Variants in ARFGEF1 observed in about 807,000 individuals in gnomAD.
ARFGEF1 encodes the protein ARF guanine nucleotide exchange factor 1, also known as brefeldin A-inhibited guanine nucleotide-exchange protein 1.
In ARFGEF1, 42 loss-of-function variants were observed where a neutral mutation model predicts 231.0. That is an observed-to-expected ratio of 0.18 (90% CI 0.14 to 0.24). The LOEUF (loss-of-function observed/expected upper bound fraction) is 0.24. Ranked by LOEUF, ARFGEF1 falls within the 10% of genes least tolerant of loss-of-function variation. The probability of loss-of-function intolerance (pLI) is 1.00; values close to 1 mark genes in which losing one functional copy is unlikely to be tolerated. For missense variants in ARFGEF1, 1,345 were observed against 2,192.0 expected, an observed-to-expected ratio of 0.61 and a Z score of 7.72; for synonymous variants, 710 against 732.3, an observed-to-expected ratio of 0.97 and a Z score of 0.49.
chr8:67,333,156 C>T (rs997696216), intron 1 of ARFGEF1, among the ~76,000 whole-genome samples: 2 of 151,890 alleles, frequency 1.3e-5, no homozygotes, highest in Non-Finnish European at 2.9e-5. Context: ...CTGCCTCAGC[C>T]GCCCGAGCAG....
At chr8:67,270,788 G>A (rs966671900) in intron 10 of ARFGEF1, among the ~76,000 whole-genome samples, 1 of 150,182 alleles carries the variant, frequency 6.7e-6, no homozygotes, top group Non-Finnish European at 1.5e-5. Flanking sequence ...ACTTTGGGAG[G>A]CGGACGCGGA....
At chr8:67,288,928 T>C (rs1274904743) in intron 6 of ARFGEF1, among the ~76,000 whole-genome samples, 3 of 151,674 alleles carry the variant, frequency 2.0e-5, no homozygotes, top group East Asian at 1.9e-4. Flanking sequence ...AAAGAATTCA[T>C]TGTCCAATTT....
chr8:67,283,022 A>C (rs1805602289), intron 7 of ARFGEF1, among the ~76,000 whole-genome samples: 1 of 152,114 alleles, frequency 6.6e-6, no homozygotes, highest in African/African-American at 2.4e-5. Context: ...GCAAAAGACA[A>C]GAATAGTAAT....
rs199705503 is a variant in ARFGEF1, at chr8:67,235,098, GTGTATA to G, written c.3290-2159_3290-2154del. On this transcript the variant is annotated intron_variant, in intron 22 of 38. Transcript: ENST00000262215. ...TATATATATATATGTGTGTGTGTGTGTGTATATATATACACACACACACACGTGTCA... is the reference window on the plus strand; with the variant it reads ...TATATATATATATGTGTGTGTGTGTGTATATACACACACACACACGTGTCA... Among the ~76,000 whole-genome samples, 287 of 127,126 alleles carry G rather than the reference GTGTATA, an allele frequency of 2.3e-3. 1 individual carries two copies. The highest frequency in any genetic ancestry group is 0.01 in the African/African-American group (273 of 26,030). 83.4% of individuals were successfully genotyped at this position (127,126 alleles called of 152,430 possible).
At chr8:67,243,004 T>C (rs190456786) in intron 19 of ARFGEF1, among the ~76,000 whole-genome samples, 1 of 152,334 alleles carries the variant, frequency 6.6e-6, no homozygotes, top group African/African-American at 2.4e-5. Context: ...TGCAGTAGAA[T>C]TGAACACCAG....
At chr8:67,197,264 T>C (rs1200094662), downstream of ARFGEF1, among the ~76,000 whole-genome samples, 4 of 151,980 alleles carry the variant, frequency 2.6e-5, no homozygotes, top group East Asian at 1.9e-4. Flanking sequence ...CTGGGCAATA[T>C]AGTGAGATCC....
chr8:67,305,460 G>A (rs1313785842), intron 1 of ARFGEF1, among the ~76,000 whole-genome samples: 2 of 152,292 alleles, frequency 1.3e-5, no homozygotes, highest in East Asian at 3.9e-4. Flanking sequence ...CGATTCTCCT[G>A]CCTCATCCTC....
chr8:67,182,554 A>T (rs1833319619), intron 5 of ARFGEF1, among the ~76,000 whole-genome samples: 1 of 152,136 alleles, frequency 6.6e-6, no homozygotes, highest in Admixed American at 6.5e-5. Context: ...TTATTTGAAG[A>T]CTCACCACAT....
intron 6 of ARFGEF1, among the ~76,000 whole-genome samples, chr8:67,288,549 A>G (rs977471420): frequency 1.7e-4 from 26 of 152,150 alleles, no homozygotes; most frequent in African/African-American, 6.0e-4. Flanking sequence ...CCTGGCCAAC[A>G]TGGTGAAACC....
intron 22 of ARFGEF1, 51 bp from the exon 23 acceptor site, chr8:67,232,996 GA>G (rs1246277119): frequency 4.3e-6 from 6 of 1,408,376 alleles, no homozygotes; most frequent in Non-Finnish European, 6.0e-6. Flanking sequence ...TTCAGTAGAA[GA>G]ATACACTTAA....
At chr8:67,270,741 A>G (rs1805047401) in intron 10 of ARFGEF1, among the ~76,000 whole-genome samples, 1 of 150,566 alleles carries the variant, frequency 6.6e-6, no homozygotes, top group East Asian at 1.9e-4. Context: ...AAAACCACAT[A>G]AAGCTGGGCG....
intron 19 of ARFGEF1, among the ~76,000 whole-genome samples, chr8:67,244,332 T>C (rs1372279318): frequency 1.5e-5 from 2 of 132,554 alleles, no homozygotes; most frequent in Non-Finnish European, 1.6e-5. Flanking sequence ...TTTTTTTTTT[T>C]TGAGGATCTC....
intron 33 of ARFGEF1, among the ~76,000 whole-genome samples, chr8:67,214,732 A>G (rs1026054108): frequency 2.0e-5 from 3 of 152,316 alleles, no homozygotes; most frequent in African/African-American, 7.2e-5. Flanking sequence ...TAACACATAC[A>G]GAAGACCCAC....
intron 33 of ARFGEF1, among the ~76,000 whole-genome samples, chr8:67,216,170 T>C (rs117815792): frequency 2.0e-5 from 3 of 152,176 alleles, no homozygotes; most frequent in Non-Finnish European, 2.9e-5. Context: ...GTCAAACGCA[T>C]TGCAATGATA....
intron 1 of ARFGEF1, among the ~76,000 whole-genome samples, chr8:67,305,518 T>C (rs1405553169): frequency 6.6e-6 from 1 of 152,182 alleles, no homozygotes; most frequent in African/African-American, 2.4e-5. Flanking sequence ...TAGTTAATTT[T>C]GTATTTTTAG....
At chr8:67,188,747 G>A (rs935579701) in intron 5 of ARFGEF1, among the ~76,000 whole-genome samples, 7 of 152,158 alleles carry the variant, frequency 4.6e-5, no homozygotes, top group South Asian at 2.1e-4. Flanking sequence ...CTGATCCAGC[G>A]GGGTGGCACC....
chr8:67,190,523 G>A (rs1170390245), intron 5 of ARFGEF1: 1 of 688,596 alleles, frequency 1.5e-6, no homozygotes, highest in Non-Finnish European at 2.6e-6. Context: ...AACTGTGTAT[G>A]TACATACATT....
chr8:67,342,339 T>C (rs937000381), intron 1 of ARFGEF1, among the ~76,000 whole-genome samples: 4 of 152,214 alleles, frequency 2.6e-5, no homozygotes, highest in African/African-American at 9.6e-5. Context: ...GCGGGCTTCA[T>C]TACACTAGAT....
chr8:67,246,856 A>T (rs1233453250), intron 19 of ARFGEF1, among the ~76,000 whole-genome samples: 1 of 150,330 alleles, frequency 6.7e-6, no homozygotes, highest in Non-Finnish European at 1.5e-5. Flanking sequence ...CTTAACCAAG[A>T]CTAAGAAAAA....
Sources: gnomAD v4.1 joint callset for allele counts (sites outside exome capture counted in the v4.1 genomes callset) on GRCh38, gnomAD v4.1.1 for gene constraint, MANE v1.5 for transcripts, NCBI Gene and HGNC (gene_info 2026-07-23, HGNC 2026-07-21) for gene names.